DNM3: variants seen among roughly 807,000 people sequenced by gnomAD.
DNM3 encodes the protein dynamin-3.
DNM3 carries 47 observed loss-of-function variants against 101.6 expected under a neutral mutation model. The observed-to-expected ratio is 0.46, with a 90% CI of 0.37 to 0.59. DNM3 has a LOEUF of 0.59. DNM3 is among the 20% of genes least tolerant of loss of function. The pLI is 0.00. For synonymous variants in DNM3, 385 were observed against 387.9 expected (o/e 0.99, Z 0.09); for missense variants, 849 against 1,085.7 (o/e 0.78, Z 3.06).
chr1:172,032,502 TA>T lies in DNM3; in HGVS notation c.688+4del. On this transcript the variant is annotated splice_donor_region_variant and intron_variant, in intron 5 of 20. Transcript: ENST00000627582. ...ACAAACTGTTGCCTCTTCGCAGGGGTAATGTACTGTGGTCTATACAAGACTT... is the reference window on the plus strand; with the variant it reads ...ACAAACTGTTGCCTCTTCGCAGGGGTATGTACTGTGGTCTATACAAGACTT... 1 of 1,470,402 alleles carries T rather than the reference TA, an allele frequency of 6.8e-7. No homozygotes were observed. Among genetic ancestry groups the T allele is most frequent in the East Asian group, 2.3e-5 (1 of 44,048 alleles). 91.1% of individuals were successfully genotyped at this position (1,470,402 alleles called of 1,614,324 possible).
chr1:172,378,396 T>C (rs1294875620), intron 17 of DNM3: 1 of 152,160 alleles, frequency 6.6e-6, no homozygotes, highest in African/African-American at 2.4e-5. Context: ...GAAGTAATAA[T>C]TGTAAGTTTT....
At chr1:171,995,865 C>T (rs776147788) in intron 4 of DNM3, among the ~76,000 whole-genome samples, 14 of 152,058 alleles carry the variant, frequency 9.2e-5, no homozygotes, top group Admixed American at 1.3e-4. Context: ...ACATAATTAT[C>T]GTCTTCTGAG....
At chr1:171,973,790 A>C (rs1252048048) in intron 2 of DNM3, among the ~76,000 whole-genome samples, 1 of 151,760 alleles carries the variant, frequency 6.6e-6, no homozygotes, top group Admixed American at 6.6e-5. Context: ...CAGCCTTCCA[A>C]ATAGTTGGGT....
intron 20 of DNM3, among the ~76,000 whole-genome samples, chr1:172,405,417 G>A (rs1319879089): frequency 6.6e-6 from 1 of 151,920 alleles, no homozygotes; most frequent in Non-Finnish European, 1.5e-5. Context: ...AGGAAGTCAG[G>A]AAAACTATGG....
At chr1:172,150,703 C>CA (rs2058094113) in intron 14 of DNM3, among the ~76,000 whole-genome samples, 1 of 152,164 alleles carries the variant, frequency 6.6e-6, no homozygotes, top group African/African-American at 2.4e-5. Context: ...CCTGGCTTCA[C>CA]AGCTTGTTAT....
chr1:172,272,905 T>C (rs2421993), intron 15 of DNM3, among the ~76,000 whole-genome samples: 1 of 151,980 alleles, frequency 6.6e-6, no homozygotes, highest in African/African-American at 2.4e-5. Context: ...ATTTATCCTA[T>C]AAAATGCTTC....
At chr1:171,842,227 C>T (rs1039704168) in intron 1 of DNM3, among the ~76,000 whole-genome samples, 1 of 152,122 alleles carries the variant, frequency 6.6e-6, no homozygotes, top group Non-Finnish European at 1.5e-5. Flanking sequence ...CAGCTCAACA[C>T]CCCCCTCCTT....
At chr1:171,848,122 G>A (rs2032439597) in intron 1 of DNM3, among the ~76,000 whole-genome samples, 1 of 152,116 alleles carries the variant, frequency 6.6e-6, no homozygotes. Context: ...GTTAGGAACT[G>A]GGAGGCCTGT....
chr1:171,928,355 C>A (rs1020853353), intron 2 of DNM3, among the ~76,000 whole-genome samples: 1 of 152,218 alleles, frequency 6.6e-6, no homozygotes, highest in South Asian at 2.1e-4. Context: ...ACTTGTGTTC[C>A]CTCCTCCACT....
At chr1:171,932,691 C>T (rs546233250) in intron 2 of DNM3, among the ~76,000 whole-genome samples, 1 of 152,168 alleles carries the variant, frequency 6.6e-6, no homozygotes, top group East Asian at 1.9e-4. Context: ...TTTAATTAAC[C>T]ATCTTATTCT....
intron 1 of DNM3, among the ~76,000 whole-genome samples, chr1:171,859,430 C>T (rs1236613959): frequency 1.3e-5 from 2 of 152,116 alleles, no homozygotes; most frequent in African/African-American, 2.4e-5. Flanking sequence ...CTCTCGAGGG[C>T]AGGGTCTCTT....
chr1:171,938,973 G>T (rs1304407623), intron 2 of DNM3, among the ~76,000 whole-genome samples: 1 of 152,112 alleles, frequency 6.6e-6, no homozygotes, highest in African/African-American at 2.4e-5. Flanking sequence ...CCTGGTTATT[G>T]GGATACCACT....
At chr1:172,305,579 A>G (rs1025938402) in intron 15 of DNM3, among the ~76,000 whole-genome samples, 8 of 152,240 alleles carry the variant, frequency 5.3e-5, no homozygotes, top group Non-Finnish European at 1.0e-4. Flanking sequence ...GACACAACAA[A>G]AAAAAGAGAA....
At chr1:172,006,844 T>C (rs60740834) in intron 4 of DNM3, among the ~76,000 whole-genome samples, 2,495 of 152,196 alleles carry the variant, frequency 0.016, 80 homozygotes, top group African/African-American at 0.057. Context: ...CAAGAAACCA[T>C]TGAACTGTTT....
chr1:171,890,724 G>A (rs1159341006), intron 1 of DNM3, among the ~76,000 whole-genome samples: 1 of 152,046 alleles, frequency 6.6e-6, no homozygotes, highest in African/African-American at 2.4e-5. Flanking sequence ...CTGTGTGTAT[G>A]GGGCATGGGA....
intron 9 of DNM3, 115 bp downstream of exon 9, chr1:172,044,567 G>A: frequency 2.4e-6 from 2 of 817,456 alleles, no homozygotes; most frequent in Non-Finnish European, 3.8e-6. Flanking sequence ...ATACAGAGGT[G>A]GGAGTAAGAA....
chr1:172,116,808 A>T (rs2055931082), intron 13 of DNM3, among the ~76,000 whole-genome samples: 1 of 152,152 alleles, frequency 6.6e-6, no homozygotes, highest in Non-Finnish European at 1.5e-5. Flanking sequence ...GGAATTTCAT[A>T]ACTTTTTTAG....
chr1:172,407,910 C>T lies in DNM3; in HGVS notation c.*69C>T. 1 of 1,609,370 alleles carries T rather than the reference C, an allele frequency of 6.2e-7. No individual in the cohort carries two copies. The highest frequency in any genetic ancestry group is 1.3e-5 in the African/African-American group (1 of 74,922). ...AAAGCAACATATTTGATAACCGTTG[C>T]AGTAAATCATGAGTAGTCGCATGTG... On this transcript the variant is annotated 3_prime_UTR_variant, in exon 21 of 21. Transcript: ENST00000627582.
At position 171,949,581 on chromosome 1, in the gene DNM3, AT is replaced by A. The variant is rs780102550; in HGVS notation, c.235+27775del. Among the ~76,000 whole-genome samples, 501 of 143,976 alleles carry A rather than the reference AT, an allele frequency of 3.5e-3. 4 individuals are homozygous for A. Among genetic ancestry groups the A allele is most frequent in the Middle Eastern group, 3.6e-3 (1 of 276 alleles). The allele number at this position is 143,976 out of a possible 152,430, so 94.5% of individuals were successfully genotyped here. On this transcript the variant is annotated intron_variant, in intron 2 of 20. Transcript: ENST00000627582. ...CATGCCAGCATGCCTGGCTAATGAA[AT>A]TTTTTTTTTTTTTTGTAGAGACAAG...
Sources: gnomAD v4.1 joint callset for allele counts (sites outside exome capture counted in the v4.1 genomes callset) on GRCh38, gnomAD v4.1.1 for gene constraint, MANE v1.5 for transcripts, NCBI Gene and HGNC (gene_info 2026-07-23, HGNC 2026-07-21) for gene names.